Variants in CYTH4 observed in about 807,000 individuals in gnomAD.
The protein encoded by CYTH4 is cytohesin 4.
Under a neutral mutation model 57.5 loss-of-function variants are expected in CYTH4, and 22 were observed. The observed-to-expected ratio is 0.38, with a 90% confidence interval of 0.27 to 0.55. The LOEUF (loss-of-function observed/expected upper bound fraction) is 0.55, where lower values mean the gene tolerates loss of function less well. CYTH4 is among the 20% of genes least tolerant of loss of function. The pLI, the probability that CYTH4 is intolerant of heterozygous loss-of-function variation, is 0.74. For synonymous variants in CYTH4, 186 were observed against 206.5 expected, an observed-to-expected ratio of 0.90 and a Z score of 0.85; for missense variants, 420 against 535.6, an observed-to-expected ratio of 0.78 and a Z score of 2.13.
chr22:37,300,799 C>G lies in CYTH4; in HGVS notation c.435-108C>G, dbSNP rs918746146. On this transcript the variant is annotated intron_variant, in intron 6 of 12. Coordinates refer to ENST00000248901, the MANE Select transcript of CYTH4 (RefSeq NM_013385.5). ...TCAGCCCAGATGACAGTTGCAGATT[C>G]CCCCATTTACAGGATACAGAGACTA... The G allele has an allele frequency of 2.3e-5, 20 of 857,212 alleles. No homozygotes were observed. The African/African-American group carries it at 3.4e-4, about 15-fold the overall frequency. The allele number at this position is 857,212 out of a possible 1,614,324, so 53.1% of individuals were successfully genotyped here.
At chr22:37,297,170 T>C (rs772426595) in intron 4 of CYTH4, among the ~76,000 whole-genome samples, 23 of 152,134 alleles carry the variant, frequency 1.5e-4, no homozygotes, top group Non-Finnish European at 2.9e-4. Flanking sequence ...AGATTACTTG[T>C]GTGAAAGAAT....
intron 8 of CYTH4, among the ~76,000 whole-genome samples, chr22:37,307,263 C>T (rs1417604552): frequency 1.3e-5 from 2 of 152,208 alleles, no homozygotes. Flanking sequence ...AATGTACAGG[C>T]TGATACAGTG....
At chr22:37,292,021 C>A (rs1222592865) in intron 1 of CYTH4, 4 of 152,286 alleles carry the variant, frequency 2.6e-5, no homozygotes, top group African/African-American at 9.7e-5. Context: ...CAAATCCAGC[C>A]TCCCCATTTT....
chr22:37,306,209 GGC>G (rs1359146730), intron 8 of CYTH4, among the ~76,000 whole-genome samples: 1 of 152,184 alleles, frequency 6.6e-6, no homozygotes, highest in African/African-American at 2.4e-5. Flanking sequence ...GGGTGGAAGA[GGC>G]ACAGGAGATA....
At chr22:37,294,567 G>T (rs1928881772) in intron 2 of CYTH4, 93 bp from the exon 3 acceptor site, 1 of 1,424,062 alleles carries the variant, frequency 7.0e-7, no homozygotes, top group African/African-American at 1.4e-5. Context: ...TGAGAGTCGT[G>T]CCCAGGGGTA....
chr22:37,313,089 C>G (rs1385280010), intron 12 of CYTH4, among the ~76,000 whole-genome samples: 1 of 152,238 alleles, frequency 6.6e-6, no homozygotes, highest in African/African-American at 2.4e-5. Context: ...AGAGCAGGGT[C>G]CAACAGGCAG....
chr22:37,290,204 A>G (rs750035434), intron 1 of CYTH4, among the ~76,000 whole-genome samples: 3 of 152,010 alleles, frequency 2.0e-5, no homozygotes, highest in Non-Finnish European at 4.4e-5. Flanking sequence ...GTCTCTATGT[A>G]CCCCCACTCA....
chr22:37,292,625 C>G lies in CYTH4; in HGVS notation c.24C>G (p.Pro8=), dbSNP rs756710860. Residue 8 remains proline, a synonymous_variant, in exon 2 of 13, where the codon CCC becomes CCG. Transcript: ENST00000248901. The stretch of plus-strand genomic sequence containing the variant: ...AGGCCGGTTGTCTCTCTGTAGAGCC[C>G]GCGGAGCTGAGCAGCGGGGAGACGG... MDLCHPE[P]AELSSGETEE... The G allele has an allele frequency of 6.2e-7, 1 of 1,613,754 alleles. No homozygotes were observed. The highest frequency in any genetic ancestry group is 8.5e-7 in the Non-Finnish European group (1 of 1,179,902).
chr22:37,311,852 C>A lies in CYTH4; in HGVS notation c.958-168C>A, dbSNP rs1929654296. ...TTAGGGAGGATGGTGGATTCAGGAGCCTGCCACAGAGAGAGTGCTCAGTGT... is the reference window on the plus strand; with the variant it reads ...TTAGGGAGGATGGTGGATTCAGGAGACTGCCACAGAGAGAGTGCTCAGTGT... On this transcript the variant is annotated intron_variant, in intron 11 of 12. Coordinates refer to ENST00000248901, the MANE Select transcript of CYTH4 (RefSeq NM_013385.5). The surrounding 1 kb of genome is among the most constrained non-coding windows in gnomAD (Gnocchi z 4.4). 3 of 857,870 alleles carry A rather than the reference C, an allele frequency of 3.5e-6. No homozygotes were observed. The South Asian group carries it at 5.6e-5, about 16-fold the overall frequency. The allele number at this position is 857,870 out of a possible 1,614,324, so 53.1% of individuals were successfully genotyped here.
rs751140524 is a variant in CYTH4 at position 37,292,623 on chromosome 22, C to G, written c.22C>G (p.Pro8Ala). The change falls in exon 2 of 13, where the codon CCC becomes GCC. Residue 8 changes from proline (P) to alanine (A), a missense_variant and splice_region_variant. By Grantham distance (27) the Pro-to-Ala change is conservative. Coordinates refer to ENST00000248901, the MANE Select transcript of CYTH4 (RefSeq NM_013385.5). ...GAAGGCCGGTTGTCTCTCTGTAGAG[C>G]CCGCGGAGCTGAGCAGCGGGGAGAC... The part of the protein sequence containing the change: MDLCHPE[P>A]AELSSGETEE... 3 of 1,613,680 alleles carry G rather than the reference C, an allele frequency of 1.9e-6. No homozygotes were observed. The highest frequency in any genetic ancestry group is 1.7e-4 in the Middle Eastern group (1 of 6,054).
chr22:37,308,740 A>G (rs1488901886), intron 8 of CYTH4, among the ~76,000 whole-genome samples: 3 of 146,918 alleles, frequency 2.0e-5, no homozygotes, highest in Non-Finnish European at 4.5e-5. Context: ...ATGAGTATGC[A>G]TGCATGTGTG....
rs1292880147 is a variant in CYTH4 at position 37,295,635 on chromosome 22, A to C, written c.168-364A>C. Among the ~76,000 whole-genome samples, 1 of 152,150 alleles carries C rather than the reference A, an allele frequency of 6.6e-6. No homozygotes were observed. On this transcript the variant is annotated intron_variant, in intron 3 of 12. Coordinates refer to ENST00000248901, the MANE Select transcript of CYTH4 (RefSeq NM_013385.5). The surrounding 1 kb of genome is among the most constrained non-coding windows in gnomAD (Gnocchi z 4.1). ...CCCAGAGAGAGGAAGTGACTCGCCC[A>C]AAGCAGCCCGGCTCAGATTCGCATC... is the stretch of plus-strand genomic sequence containing the variant.
At chr22:37,291,713 A>G (rs552539309) in intron 1 of CYTH4, among the ~76,000 whole-genome samples, 108 of 152,294 alleles carry the variant, frequency 7.1e-4, no homozygotes, top group African/African-American at 2.4e-3. Flanking sequence ...TCTGAGTAAT[A>G]GGGAGGCCAT....
At chr22:37,296,339 G>A (rs977003142) in intron 4 of CYTH4, 5 of 472,608 alleles carry the variant, frequency 1.1e-5, no homozygotes, top group African/African-American at 4.0e-5. Flanking sequence ...CCCACTCTGG[G>A]CCTCCATTTC....
chr22:37,309,074 G>A (rs1011023023), intron 8 of CYTH4, 138 bp from the exon 9 acceptor site: 8 of 675,010 alleles, frequency 1.2e-5, no homozygotes, highest in African/African-American at 3.7e-5. Context: ...AAAAGCCCAG[G>A]GACCACGATA....
rs201433022 is a variant in CYTH4, at chr22:37,312,088, C to T, written c.1026C>T (p.Asp342=). 243 of 1,614,080 alleles carry T rather than the reference C, an allele frequency of 1.5e-4. No individual in the cohort carries two copies. The highest frequency in any genetic ancestry group is 1.9e-4 in the Non-Finnish European group (225 of 1,180,046). ...QKIKACKTDG[D]GRVVEGKHES... ...TCAAGGCCTGCAAGACCGATGGCGACGGCAGGGTGGTGGAGGGCAAGCACG... is the reference window on the plus strand; with the variant it reads ...TCAAGGCCTGCAAGACCGATGGCGATGGCAGGGTGGTGGAGGGCAAGCACG... The change falls in exon 12 of 13, where the codon GAC becomes GAT. Residue 342 remains aspartate, a synonymous_variant. Coordinates refer to ENST00000248901, the MANE Select transcript of CYTH4 (RefSeq NM_013385.5).
intron 9 of CYTH4, among the ~76,000 whole-genome samples, chr22:37,310,494 C>T (rs1229183349): frequency 2.0e-5 from 3 of 152,210 alleles, no homozygotes; most frequent in East Asian, 3.8e-4. Context: ...GCTGCTGAAC[C>T]GTGGGCAGGC....
chr22:37,293,040 C>A (rs570705540), intron 2 of CYTH4, among the ~76,000 whole-genome samples: 1 of 152,296 alleles, frequency 6.6e-6, no homozygotes, highest in South Asian at 2.1e-4. Flanking sequence ...AGAGTGTAGA[C>A]CACCTGGTCA....
chr22:37,285,350 T>TGTGGTGGTG (rs147807027), intron 1 of CYTH4, among the ~76,000 whole-genome samples: 4 of 151,382 alleles, frequency 2.6e-5, no homozygotes, highest in African/African-American at 9.8e-5. Context: ...AAACGGGGTG[T>TGTGGTGGTG]GTGGTGGTGG....
Sources: allele counts gnomAD v4.1 joint callset (sites outside exome capture counted in the v4.1 genomes callset), GRCh38; gene constraint gnomAD v4.1.1; non-coding constraint Gnocchi (gnomAD v3.1); transcripts MANE v1.5; gene names NCBI Gene and HGNC (gene_info 2026-07-23, HGNC 2026-07-21).